The following CBX1 variants were observed in gnomAD, a reference collection of about 807,000 sequenced individuals.
The protein encoded by CBX1 is chromobox 1, also known as chromobox protein homolog 1.
Under a neutral mutation model 25.1 loss-of-function variants are expected in CBX1, and 10 were observed. The ratio of observed to expected loss-of-function variants is 0.40; its 90% confidence interval spans 0.25 to 0.68. The LOEUF is 0.68. Ranked by LOEUF, CBX1 falls within the 30% of genes least tolerant of loss-of-function variation. The pLI, the probability that CBX1 is intolerant of heterozygous loss-of-function variation, is 0.40. For missense variants in CBX1, 106 were observed against 218.5 expected (o/e 0.49, Z 3.25); for synonymous variants, 63 against 79.4 (o/e 0.79, Z 1.10).
At chr17:48,086,158 G>A (rs937553518) in intron 1 of CBX1, among the ~76,000 whole-genome samples, 4 of 152,176 alleles carry the variant, frequency 2.6e-5, no homozygotes, top group African/African-American at 9.7e-5. Flanking sequence ...TGAATCAAGA[G>A]TAATTAATTC....
intron 1 of CBX1, among the ~76,000 whole-genome samples, chr17:48,095,206 A>G (rs1309495662): frequency 6.6e-6 from 1 of 152,122 alleles, no homozygotes; most frequent in African/African-American, 2.4e-5. Context: ...GGGGTTCCCA[A>G]AGCATTCTGT....
At chr17:48,093,821 TAAG>T (rs2063357349) in intron 1 of CBX1, among the ~76,000 whole-genome samples, 1 of 152,120 alleles carries the variant, frequency 6.6e-6, no homozygotes, top group African/African-American at 2.4e-5. Flanking sequence ...TATTAAGTAT[TAAG>T]AAGTGTGGGC....
intron 1 of CBX1, among the ~76,000 whole-genome samples, chr17:48,089,003 C>T (rs1290713399): frequency 6.6e-6 from 1 of 151,840 alleles, no homozygotes. Context: ...CAAAAAACCC[C>T]AAAACTTGTT....
rs771106638 is a variant in CBX1 at position 48,070,934 on chromosome 17, C to G, written c.*501G>C. The stretch of plus-strand genomic sequence containing the variant: ...TCCATTGCTTCACCATTTCCCCTAT[C>G]AGGCCCCAAATGTTAATCAAAATGA... On this transcript the variant is annotated 3_prime_UTR_variant, in exon 5 of 5. Transcript: ENST00000225603. 6.5e-6 allele frequency: 1 copy of G among 152,744 alleles called. No homozygotes were observed. Among genetic ancestry groups the G allele is most frequent in the Non-Finnish European group, 1.5e-5 (1 of 68,180 alleles). The allele number at this position is 152,744 out of a possible 1,614,324, so 9.5% of individuals were successfully genotyped here.
At chr17:48,096,223 G>C (rs1181046263) in intron 1 of CBX1, 1 of 336,638 alleles carries the variant, frequency 3.0e-6, no homozygotes, top group Non-Finnish European at 4.2e-6. Flanking sequence ...AATTCCAGAG[G>C]ATCAAAGGCT....
chr17:48,085,862 T>G (rs1194066167), intron 1 of CBX1, among the ~76,000 whole-genome samples: 1 of 150,526 alleles, frequency 6.6e-6, no homozygotes, highest in African/African-American at 2.4e-5. Flanking sequence ...AGGTCAGGAG[T>G]TCAAGAAAAA....
intron 1 of CBX1, chr17:48,096,477 A>G (rs2063375542): frequency 1.5e-6 from 1 of 645,178 alleles, no homozygotes; most frequent in South Asian, 6.9e-5. Flanking sequence ...GAAACGTATC[A>G]GAACACCACA....
intron 1 of CBX1, among the ~76,000 whole-genome samples, chr17:48,079,618 T>G (rs527621974): frequency 2.6e-5 from 4 of 152,218 alleles, no homozygotes; most frequent in African/African-American, 9.6e-5. Flanking sequence ...CTCAGTCTCC[T>G]GAGTAGCTGG....
chr17:48,089,147 C>A (rs1464789896), intron 1 of CBX1, among the ~76,000 whole-genome samples: 1 of 144,830 alleles, frequency 6.9e-6, no homozygotes, highest in Non-Finnish European at 1.5e-5. Context: ...GTCGCCCAGG[C>A]TGGAGTGCAG....
intron 1 of CBX1, among the ~76,000 whole-genome samples, chr17:48,077,441 T>G (rs372776268): frequency 1.4e-4 from 11 of 78,062 alleles, no homozygotes; most frequent in African/African-American, 3.0e-4. Context: ...TTGTTTTTTT[T>G]TTTGTTTTTT....
rs2037622860 is a variant in CBX1 at position 48,071,286 on chromosome 17, A to T, written c.*149T>A. The stretch of plus-strand genomic sequence containing the variant: ...ATACAGCTTGAAACGGCTTTAAAGC[A>T]CTTGGGCTGCTGCAGGGCACAGAAA... On this transcript the variant is annotated 3_prime_UTR_variant, in exon 5 of 5. Transcript: ENST00000225603. 2 of 724,246 alleles carry T rather than the reference A, an allele frequency of 2.8e-6. No individual in the cohort carries two copies. Among genetic ancestry groups the T allele is most frequent in the African/African-American group, 3.6e-5 (2 of 55,940 alleles). The allele number at this position is 724,246 out of a possible 1,614,324, so 44.9% of individuals were successfully genotyped here. A position where few individuals can be genotyped will look rare whatever the true frequency, so the allele number is the denominator to read the frequency against.
At chr17:48,099,171 C>T (rs1292586449) in intron 1 of CBX1, among the ~76,000 whole-genome samples, 2 of 152,076 alleles carry the variant, frequency 1.3e-5, no homozygotes, top group East Asian at 3.9e-4. Context: ...GTGCAGATCT[C>T]GGCTCACTGC....
chr17:48,083,452 GGTCA>G (rs1471928690), intron 1 of CBX1, among the ~76,000 whole-genome samples: 1 of 150,350 alleles, frequency 6.7e-6, no homozygotes, highest in East Asian at 1.9e-4. Context: ...AGCTTTTTCT[GGTCA>G]GTAACTAGTT....
At chr17:48,074,220 CTG>C (rs34047980) in intron 4 of CBX1, among the ~76,000 whole-genome samples, 14 of 150,372 alleles carry the variant, frequency 9.3e-5, no homozygotes, top group South Asian at 2.1e-4. Context: ...GCTCCATAGA[CTG>C]TGTGTGTGTG....
chr17:48,078,605 T>C (rs1016780436), intron 1 of CBX1, among the ~76,000 whole-genome samples: 1 of 151,626 alleles, frequency 6.6e-6, no homozygotes, highest in African/African-American at 2.4e-5. Flanking sequence ...TTCTCCTGCC[T>C]CCACCTCCCG....
rs372504507 is a variant in CBX1, at chr17:48,078,740, G to C, written c.-37-1699C>G. ...CCTGACCTCGTGATTTGCCTGCCTTGGCTTTCCAAAGTGCTGGGATTACAA... is the reference window on the plus strand; with the variant it reads ...CCTGACCTCGTGATTTGCCTGCCTTCGCTTTCCAAAGTGCTGGGATTACAA... On this transcript the variant is annotated intron_variant, in intron 1 of 4. Coordinates refer to ENST00000225603, the MANE Select transcript of CBX1 (RefSeq NM_001127228.2). 1.2e-4 allele frequency among the ~76,000 whole-genome samples: 18 copies of C among 149,426 alleles called. No homozygotes were observed. In the East Asian group the frequency reaches 2.0e-3, roughly 16 times the overall value.
chr17:48,075,905 A>C (rs2037670505), intron 3 of CBX1, 96 bp downstream of exon 3: 11 of 924,138 alleles, frequency 1.2e-5, no homozygotes, highest in South Asian at 1.9e-5. Flanking sequence ...AGGACTAAGA[A>C]GAGACAGCTG....
chr17:48,077,025 T>C lies in CBX1; in HGVS notation c.-21A>G, dbSNP rs1230178314. On this transcript the variant is annotated 5_prime_UTR_variant, in exon 2 of 5. Coordinates refer to ENST00000225603, the MANE Select transcript of CBX1 (RefSeq NM_001127228.2). ...CCCATAGTGCCCGCCAGCTTTCTGG[T>C]GTAAAGGGTGACGCTGCTAAAATGA... 1 of 1,607,764 alleles carries C rather than the reference T, an allele frequency of 6.2e-7. No homozygotes were observed. Among genetic ancestry groups the C allele is most frequent in the East Asian group, 2.2e-5 (1 of 44,800 alleles).
intron 1 of CBX1, among the ~76,000 whole-genome samples, chr17:48,093,086 AAAAG>A (rs532920051): frequency 0.64 from 49,300 of 77,578 alleles, 12,843 homozygotes; most frequent in South Asian, 0.72. Flanking sequence ...AAAAAAAAAA[AAAAG>A]AAAAGAAAAG....
Sources: gnomAD v4.1 joint callset for allele counts (sites outside exome capture counted in the v4.1 genomes callset) on GRCh38, gnomAD v4.1.1 for gene constraint, MANE v1.5 for transcripts, NCBI Gene and HGNC (gene_info 2026-07-23, HGNC 2026-07-21) for gene names.